GSPT1: variants seen among roughly 807,000 people sequenced by gnomAD.
The protein encoded by GSPT1 is G1 to S phase transition 1.
In GSPT1, 20 loss-of-function variants were observed where a neutral mutation model predicts 72.5. The ratio of observed to expected loss-of-function variants is 0.28; its 90% CI spans 0.19 to 0.40. GSPT1 has a LOEUF of 0.40. Among genes scored for constraint, GSPT1 ranks in the 10% least tolerant of loss-of-function variants. The probability of loss-of-function intolerance (pLI) is 1.00; values close to 1 mark genes in which losing one functional copy is unlikely to be tolerated. For missense variants in GSPT1, 580 were observed against 811.9 expected (o/e 0.71, Z 3.47); for synonymous variants, 334 against 293.5 (o/e 1.14, Z -1.41).
chr16:11,909,090 GC>G (rs2054525559), intron 1 of GSPT1, among the ~76,000 whole-genome samples: 1 of 151,196 alleles, frequency 6.6e-6, no homozygotes, highest in Admixed American at 6.6e-5. Context: ...TGCAGAATGC[GC>G]TTTTTTTTTT....
At chr16:11,891,199 T>G in intron 5 of GSPT1, 60 bp from the exon 6 acceptor site, 1 of 853,294 alleles carries the variant, frequency 1.2e-6, no homozygotes, top group East Asian at 2.8e-5. Flanking sequence ...TCAGTGGAAT[T>G]AGGAAAACGT....
chr16:11,902,533 G>C (rs903359491), intron 1 of GSPT1, among the ~76,000 whole-genome samples: 1 of 151,210 alleles, frequency 6.6e-6, no homozygotes, highest in Non-Finnish European at 1.5e-5. Context: ...GACTTTACCA[G>C]AGAACAGCAG....
In GSPT1 at chr16:11,915,594, G is replaced by T; in HGVS notation, c.127C>A (p.Pro43Thr). 6.7e-7 allele frequency: 1 copy of T among 1,488,638 alleles called. No homozygotes were observed. Among genetic ancestry groups the T allele is most frequent in the Non-Finnish European group, 8.9e-7 (1 of 1,121,322 alleles). The allele number at this position is 1,488,638 out of a possible 1,614,324, so 92.2% of individuals were successfully genotyped here. A position where few individuals can be genotyped will look rare whatever the true frequency, so the allele number is the denominator to read the frequency against. The change falls in exon 1 of 15, where the codon CCT (proline) becomes ACT (threonine). Residue 43 changes from proline (P) to threonine (T), a missense_variant. By Grantham distance (38) the Pro-to-Thr change is conservative. Coordinates refer to ENST00000434724, the MANE Select transcript of GSPT1 (RefSeq NM_002094.4). ...QADMEAPGPG[P>T]CGGGGSLAAA... Reference sequence around the variant, plus strand: ...GCCAGGGAGCCGCCGCCGCCGCAAGGGCCCGGCCCGGGGGCTTCCATGTCC... The same window carrying T: ...GCCAGGGAGCCGCCGCCGCCGCAAGTGCCCGGCCCGGGGGCTTCCATGTCC...
chr16:11,877,437 A>C lies in GSPT1; in HGVS notation c.1572T>G (p.Leu524=). ...PGFILCDPNN[L]CHSGRTFDAQ... is the part of the protein sequence containing the mutation. ...CATCAAATGTGCGTCCAGAATGACA[A>C]AGATTATTAGGATCACAAAGTATAA... The change falls in exon 12 of 15, where the codon CTT becomes CTG. Residue 524 remains leucine, a synonymous_variant. Transcript: ENST00000434724. The surrounding 1 kb of genome is among the most constrained non-coding windows in gnomAD (Gnocchi z 4.0). 2 of 1,595,258 alleles carry C rather than the reference A, an allele frequency of 1.3e-6. No individual in the cohort carries two copies. The highest frequency in any genetic ancestry group is 2.3e-5 in the South Asian group (2 of 87,326).
At chr16:11,886,282 C>G (rs1011209170) in intron 9 of GSPT1, among the ~76,000 whole-genome samples, 189 bp downstream of exon 9, 4 of 151,962 alleles carry the variant, frequency 2.6e-5, no homozygotes, top group Non-Finnish European at 4.4e-5. Flanking sequence ...AAATGACAAC[C>G]CAGTTTAAAA....
Position 11,911,795 on chromosome 16 carries a change from G to A in GSPT1, c.352+3574C>T, listed in dbSNP as rs143463069. Among the ~76,000 whole-genome samples, 1,092 of 144,392 alleles carry A rather than the reference G, an allele frequency of 7.6e-3. 24 individuals carry two copies. The highest frequency in any genetic ancestry group is 0.027 in the African/African-American group (1,051 of 39,096). 94.7% of individuals were successfully genotyped at this position (144,392 alleles called of 152,430 possible). ...TCGAACTCCTGACCTCAGGTGATCC[G>A]TCCACCTCGGCCTCCCAAAGTGCTG... On this transcript the variant is annotated intron_variant, in intron 1 of 14. Coordinates refer to ENST00000434724, the MANE Select transcript of GSPT1 (RefSeq NM_002094.4).
chr16:11,903,611 C>G (rs1043658400), intron 1 of GSPT1, among the ~76,000 whole-genome samples: 1 of 151,916 alleles, frequency 6.6e-6, no homozygotes, highest in Non-Finnish European at 1.5e-5. Flanking sequence ...CACTTGAACC[C>G]GGGAGGTGGA....
At chr16:11,898,441 C>CTTTTT (rs5815660) in intron 1 of GSPT1, among the ~76,000 whole-genome samples, 139 of 107,060 alleles carry the variant, frequency 1.3e-3, no homozygotes, top group African/African-American at 4.6e-3. Context: ...GTGATTAGCC[C>CTTTTT]TTTTTTTTTT....
chr16:11,902,113 T>C (rs1596472284), intron 1 of GSPT1, among the ~76,000 whole-genome samples: 1 of 142,690 alleles, frequency 7.0e-6, no homozygotes, highest in African/African-American at 2.6e-5. Flanking sequence ...CCAGGCACGG[T>C]GGCTCATGCC....
rs2053985589 is a variant in GSPT1, at chr16:11,872,105, A to G, written c.*1014T>C. The G allele has an allele frequency of 6.6e-6, 1 of 152,226 alleles. No individual in the cohort carries two copies. Among genetic ancestry groups the G allele is most frequent in the South Asian group, 2.1e-4 (1 of 4,836 alleles). The allele number at this position is 152,226 out of a possible 1,614,324, so 9.4% of individuals were successfully genotyped here. On this transcript the variant is annotated 3_prime_UTR_variant, in exon 15 of 15. Transcript: ENST00000434724. ...TCCAACCTTTAAAGTTACTGATACAAAGAGTAAACTGAGTAACTTGTAGAA... is the reference window on the plus strand; with the variant it reads ...TCCAACCTTTAAAGTTACTGATACAGAGAGTAAACTGAGTAACTTGTAGAA...
intron 1 of GSPT1, among the ~76,000 whole-genome samples, chr16:11,903,362 T>C (rs951885227): frequency 1.3e-5 from 2 of 151,812 alleles, no homozygotes; most frequent in East Asian, 3.9e-4. Context: ...ATACAAGAAT[T>C]AGCCAGGGTG....
chr16:11,892,851 A>AAAAAAAAAAAAAG (rs1567443552), intron 5 of GSPT1, among the ~76,000 whole-genome samples: 1 of 144,024 alleles, frequency 6.9e-6, no homozygotes, highest in African/African-American at 2.6e-5. Context: ...AAAAAAAAAA[A>AAAAAAAAAAAAAG]AAAAGAAAAG....
In GSPT1 at chr16:11,909,839, C is replaced by T. The variant is rs923100878; in HGVS notation, c.352+5530G>A. ...ACTTGGGAAGCTGAGGCAGAACAAT[C>T]GCTTGAACCTGGGGAGGCAGAGGTT... On this transcript the variant is annotated intron_variant, in intron 1 of 14. Coordinates refer to ENST00000434724, the MANE Select transcript of GSPT1 (RefSeq NM_002094.4). Among the ~76,000 whole-genome samples the T allele has an allele frequency of 3.3e-5, 5 of 152,206 alleles. No homozygotes were observed. The East Asian group carries it at 7.7e-4, about 23-fold the overall frequency.
chr16:11,879,007 C>G (rs1172588149), intron 11 of GSPT1, among the ~76,000 whole-genome samples: 2 of 148,516 alleles, frequency 1.3e-5, no homozygotes, highest in East Asian at 4.0e-4. Context: ...ACCCAGGAGG[C>G]AGAGGATGCA....
intron 1 of GSPT1, chr16:11,908,343 C>A (rs1244566946): frequency 6.6e-6 from 1 of 152,110 alleles, no homozygotes; most frequent in Non-Finnish European, 1.5e-5. Context: ...ACAGAAACAG[C>A]CGGGTGCGGT....
chr16:11,894,927 GT>G, intron 5 of GSPT1, 26 bp downstream of exon 5: 2 of 1,446,656 alleles, frequency 1.4e-6, no homozygotes, highest in Non-Finnish European at 1.9e-6. Flanking sequence ...ATTTAACTCT[GT>G]TATTTAACAA....
chr16:11,890,958 C>T (rs913377829), intron 6 of GSPT1, 104 bp downstream of exon 6: 8 of 620,558 alleles, frequency 1.3e-5, no homozygotes, highest in Middle Eastern at 3.4e-4. Context: ...TGTTGTGATA[C>T]GATTTTAGAC....
Position 11,896,732 on chromosome 16 carries a change from C to T in GSPT1, c.490G>A (p.Glu164Lys), listed in dbSNP as rs912714309. ...SPEESWEHKE[E>K]ISEAEPGGGS... Reference sequence around the variant, plus strand: ...CCCCCTGGCTCTGCTTCACTTATTTCTTCTTTGTGCTCCCATGATTCTTCT... The same window carrying T: ...CCCCCTGGCTCTGCTTCACTTATTTTTTCTTTGTGCTCCCATGATTCTTCT... The change falls in exon 4 of 15, where the codon GAA (glutamate) becomes AAA (lysine). Residue 164 changes from glutamate (E) to lysine (K), a missense_variant. Physicochemically the swap from Glu to Lys is moderately conservative, Grantham distance 56. Transcript: ENST00000434724. 46 of 1,603,332 alleles carry T rather than the reference C, an allele frequency of 2.9e-5. No homozygotes were observed. Among genetic ancestry groups the T allele is most frequent in the Non-Finnish European group, 3.6e-5 (42 of 1,174,640 alleles).
At chr16:11,885,666 G>A (rs1441867848) in intron 9 of GSPT1, among the ~76,000 whole-genome samples, 1 of 152,152 alleles carries the variant, frequency 6.6e-6, no homozygotes, top group Non-Finnish European at 1.5e-5. Flanking sequence ...CCGAAAGGCA[G>A]GTGCATCTCT....
Sources: allele counts gnomAD v4.1 joint callset (sites outside exome capture counted in the v4.1 genomes callset), GRCh38; gene constraint gnomAD v4.1.1; non-coding constraint Gnocchi (gnomAD v3.1); transcripts MANE v1.5; gene names NCBI Gene and HGNC (gene_info 2026-07-23, HGNC 2026-07-21).